The following ZNF705A variants were observed in gnomAD, a reference collection of about 807,000 sequenced individuals.
The protein encoded by ZNF705A is zinc finger protein 705A.
ZNF705A carries 8 observed loss-of-function variants against 16.6 expected under a neutral mutation model. The observed-to-expected ratio is 0.48, with a 90% CI of 0.28 to 0.87. The LOEUF (loss-of-function observed/expected upper bound fraction) is 0.87, where lower values mean the gene tolerates loss of function less well. Among genes scored for constraint, ZNF705A ranks in the 40% least tolerant of loss-of-function variants. The probability of loss-of-function intolerance (pLI) is 0.10; values close to 1 mark genes in which losing one functional copy is unlikely to be tolerated. For synonymous variants in ZNF705A, 73 were observed against 117.3 expected (o/e 0.62, Z 2.44); for missense variants, 233 against 359.9 (o/e 0.65, Z 2.85).
intron 1 of ZNF705A, among the ~76,000 whole-genome samples, chr12:8,166,328 C>T (rs185898818): frequency 1.3e-4 from 20 of 152,174 alleles, no homozygotes; most frequent in East Asian, 5.8e-4. Context: ...TGATATGGTT[C>T]GGCTCTGTGT....
At chr12:8,173,216 A>T (rs1001885594) in intron 1 of ZNF705A, among the ~76,000 whole-genome samples, 5 of 152,348 alleles carry the variant, frequency 3.3e-5, no homozygotes, top group African/African-American at 1.2e-4. Context: ...GCTTCTAAAA[A>T]CTTTGTGAAA....
intron 1 of ZNF705A, 27 bp downstream of exon 2, chr12:8,172,664 G>T: frequency 6.3e-7 from 1 of 1,596,178 alleles, no homozygotes. Context: ...TCTTTCTACT[G>T]AAATTATACC....
chr12:8,158,520 A>G (rs1038142829), intron 1 of ZNF705A, among the ~76,000 whole-genome samples: 1 of 152,134 alleles, frequency 6.6e-6, no homozygotes, highest in Non-Finnish European at 1.5e-5. Flanking sequence ...TGCAACATAC[A>G]TATAAATATC....
At chr12:8,177,059 C>G (rs1369838784) in exon 5 of ZNF705A, 1 of 1,610,548 alleles carries the variant, frequency 6.2e-7, no homozygotes, top group Non-Finnish European at 8.5e-7. Context: ...AGATTGCACT[C>G]ACAGTTCCAC....
At chr12:8,163,960 T>A (rs1042192963) in intron 1 of ZNF705A, among the ~76,000 whole-genome samples, 4 of 152,314 alleles carry the variant, frequency 2.6e-5, no homozygotes, top group African/African-American at 9.6e-5. Flanking sequence ...CTGTAATATT[T>A]AAGGTGTGCA....
At chr12:8,175,020 C>A (rs1350899192) in intron 2 of ZNF705A, among the ~76,000 whole-genome samples, 1 of 152,156 alleles carries the variant, frequency 6.6e-6, no homozygotes, top group Non-Finnish European at 1.5e-5. Context: ...TTTTGAATTT[C>A]CTTTTCCTGA....
At chr12:8,171,553 C>G (rs113243757), upstream of ZNF705A, among the ~76,000 whole-genome samples, 1,170 of 152,214 alleles carry the variant, frequency 7.7e-3, 13 homozygotes, top group African/African-American at 0.027. Flanking sequence ...TTCTCCCACC[C>G]CTACGTCATT....
chr12:8,179,981 T>C (rs958234037), exon 5 of ZNF705A: 5 of 152,230 alleles, frequency 3.3e-5, no homozygotes, highest in African/African-American at 1.2e-4. Flanking sequence ...CAATCGACTT[T>C]TGTATACTGA....
Position 8,174,604 on chromosome 12 carries a change from T to G in ZNF705A, c.139+152T>G, listed in dbSNP as rs1948470966. 8.1e-6 allele frequency: 12 copies of G among 1,479,376 alleles called. No homozygotes were observed. In the East Asian group the frequency reaches 2.7e-4, roughly 34 times the overall value. 91.6% of individuals were successfully genotyped at this position (1,479,376 alleles called of 1,614,324 possible). A position where few individuals can be genotyped will look rare whatever the true frequency, so the allele number is the denominator to read the frequency against. ...AAAAAGTTTGAACTTTCTAAATCTA[T>G]CTGAAATAAATATCTTTCTTTTTAT... On this transcript the variant is annotated intron_variant, in intron 2 of 4. Transcript: ENST00000359286.
At chr12:8,174,282 A>G (rs764461596) in intron 1 of ZNF705A, 44 bp from the exon 3 acceptor site, 176 of 1,595,784 alleles carry the variant, frequency 1.1e-4, no homozygotes, top group Non-Finnish European at 1.4e-4. Flanking sequence ...CCGGACATTG[A>G]AAGGGATTTC....
intron 1 of ZNF705A, among the ~76,000 whole-genome samples, chr12:8,160,197 A>C (rs1228792771): frequency 6.6e-6 from 1 of 152,132 alleles, no homozygotes; most frequent in Non-Finnish European, 1.5e-5. Flanking sequence ...CTGTTTTTAC[A>C]CCAGTACCCT....
chr12:8,166,336 T>A (rs1206600861), intron 1 of ZNF705A, among the ~76,000 whole-genome samples: 1 of 152,220 alleles, frequency 6.6e-6, no homozygotes, highest in Non-Finnish European at 1.5e-5. Flanking sequence ...TTCGGCTCTG[T>A]GTCCCCGCCC....
At chr12:8,177,237 G>A (rs11043758) in exon 5 of ZNF705A, 762,770 of 1,377,468 alleles carry the variant, frequency 0.55, 243,092 homozygotes, top group Non-Finnish European at 0.58. Context: ...AATTGCTTTC[G>A]CCTTAGACGG....
upstream of ZNF705A, among the ~76,000 whole-genome samples, chr12:8,171,542 T>G (rs1479237033): frequency 6.6e-6 from 1 of 152,154 alleles, no homozygotes; most frequent in Admixed American, 6.5e-5. Context: ...AGCTGCTAAA[T>G]TTCTCCCACC....
chr12:8,170,023 C>T (rs1948431914), upstream of ZNF705A, among the ~76,000 whole-genome samples: 1 of 152,020 alleles, frequency 6.6e-6, no homozygotes, highest in Admixed American at 6.5e-5. Context: ...AACCCCGTCT[C>T]GACTAAAAAT....
upstream of ZNF705A, chr12:8,168,936 C>T (rs1591623653): frequency 6.6e-6 from 1 of 152,068 alleles, no homozygotes; most frequent in African/African-American, 2.4e-5. Context: ...AATAATTTTT[C>T]TATGGATACT....
intron 2 of ZNF705A, 42 bp downstream of exon 3, chr12:8,174,494 C>T (rs753639854): frequency 1.0e-5 from 16 of 1,592,174 alleles, no homozygotes; most frequent in Middle Eastern, 2.3e-4. Context: ...GACACACATT[C>T]GCTCATTCAT....
chr12:8,173,420 G>A (rs1046574366), intron 1 of ZNF705A, among the ~76,000 whole-genome samples: 3 of 152,060 alleles, frequency 2.0e-5, no homozygotes, highest in African/African-American at 7.2e-5. Flanking sequence ...ATACGGGCTG[G>A]TTAGAAAAAA....
chr12:8,166,901 T>C (rs1174199617), intron 1 of ZNF705A, among the ~76,000 whole-genome samples: 2 of 152,274 alleles, frequency 1.3e-5, no homozygotes, highest in East Asian at 3.8e-4. Context: ...AGCCAAGGTC[T>C]CTGAAATGTC....
Sources: allele counts gnomAD v4.1 joint callset (sites outside exome capture counted in the v4.1 genomes callset), GRCh38; gene constraint gnomAD v4.1.1; transcripts MANE v1.5; gene names NCBI Gene and HGNC (gene_info 2026-07-23, HGNC 2026-07-21).